HAUS8: variants seen among roughly 807,000 people sequenced by gnomAD.
HAUS8 encodes HAUS augmin like complex subunit 8, also known as HAUS augmin-like complex subunit 8.
Under a neutral mutation model 42.9 loss-of-function variants are expected in HAUS8, and 38 were observed. The ratio of observed to expected loss-of-function variants is 0.89; its 90% CI spans 0.68 to 1.16. The LOEUF is 1.16. Among genes scored for constraint, HAUS8 ranks in the 50% most tolerant of loss-of-function variants. HAUS8 has a pLI of 0.00. For missense variants in HAUS8, 494 were observed against 511.6 expected (o/e 0.97, Z 0.33); for synonymous variants, 199 against 205.8 (o/e 0.97, Z 0.28).
chr19:17,060,308 G>A, intron 4 of HAUS8: 1 of 509,810 alleles, frequency 2.0e-6, no homozygotes, highest in Non-Finnish European at 3.5e-6. Context: ...AGAAGACAGA[G>A]ACATTCTGTA....
intron 9 of HAUS8, chr19:17,053,320 G>A (rs75937948): frequency 0.012 from 3,379 of 284,864 alleles, 51 homozygotes; most frequent in South Asian, 0.039. Context: ...AACAGTCCTT[G>A]TTGCCTGCAC....
chr19:17,069,209 G>C, intron 2 of HAUS8, 123 bp from the exon 3 acceptor site: 2 of 807,874 alleles, frequency 2.5e-6, no homozygotes, highest in Non-Finnish European at 4.2e-6. Context: ...CCAGAACAGA[G>C]GAGGTCACCA....
chr19:17,070,380 G>A (rs1414962906), intron 2 of HAUS8, among the ~76,000 whole-genome samples: 2 of 152,208 alleles, frequency 1.3e-5, no homozygotes, highest in African/African-American at 4.8e-5. Context: ...GGCTGAGACA[G>A]GCTGGCGTGC....
chr19:17,071,452 C>A (rs1052531656), intron 2 of HAUS8, among the ~76,000 whole-genome samples: 1 of 152,178 alleles, frequency 6.6e-6, no homozygotes, highest in African/African-American at 2.4e-5. Flanking sequence ...TCTCCAAGGG[C>A]TGAGGCCAGG....
At chr19:17,067,771 CAGCCACCCAGAGTGG>C (rs1417859903) in intron 3 of HAUS8, among the ~76,000 whole-genome samples, 1 of 152,164 alleles carries the variant, frequency 6.6e-6, no homozygotes, top group Non-Finnish European at 1.5e-5. Context: ...GAGAACCCAC[CAGCCACCCAGAGTGG>C]AAGACAGGCA....
chr19:17,057,319 C>T (rs1249659105), intron 8 of HAUS8, among the ~76,000 whole-genome samples: 1 of 151,090 alleles, frequency 6.6e-6, no homozygotes, highest in Non-Finnish European at 1.5e-5. Flanking sequence ...CACTGCACTA[C>T]AGCCTGGGTG....
chr19:17,055,912 C>A lies in HAUS8; in HGVS notation c.736G>T (p.Glu246Ter). ...AGGTGGATGGACCTCACGGGCAGCT[C>A]GTGCCTGGTAGTGTCCAGGGCCGTG... ...FATALDTTRH[E>*]LPVRSIHLEG... The change falls in exon 9 of 11, where the codon GAG (glutamate) becomes TAG (stop). Residue 246 changes from glutamate (E) to a stop codon, truncating the protein, a stop_gained. Coordinates refer to ENST00000253669, the MANE Select transcript of HAUS8 (RefSeq NM_033417.2). LOFTEE classifies it high-confidence loss of function. 1 of 1,614,178 alleles carries A rather than the reference C, an allele frequency of 6.2e-7. No homozygotes were observed. The highest frequency in any genetic ancestry group is 8.5e-7 in the Non-Finnish European group (1 of 1,180,016).
chr19:17,056,402 G>C (rs1429463430), intron 8 of HAUS8, among the ~76,000 whole-genome samples: 2 of 152,120 alleles, frequency 1.3e-5, no homozygotes, highest in African/African-American at 4.8e-5. Flanking sequence ...CGGGAGTTTG[G>C]GGCATCAACC....
In HAUS8 at chr19:17,059,626, T is replaced by A. The variant is rs982934205; in HGVS notation, c.351A>T (p.Pro117=). 1.9e-6 allele frequency: 3 copies of A among 1,613,810 alleles called. No individual in the cohort carries two copies. The Admixed American group carries it at 5.0e-5, about 27-fold the overall frequency. The change falls in exon 6 of 11, where the codon CCA becomes CCT. Residue 117 remains proline (P), a synonymous_variant. Coordinates refer to ENST00000253669, the MANE Select transcript of HAUS8 (RefSeq NM_033417.2). The part of the protein sequence containing the change: ...INDKSIVKKT[P]QLAKTISKKP... ...TCTTTGATATTGTTTTTGCTAACTG[T>A]GGCGTCTTTTTGACGATGCTTTTGT...
intron 9 of HAUS8, chr19:17,055,013 T>C (rs1308641147): frequency 1.4e-5 from 2 of 144,826 alleles, no homozygotes; most frequent in Non-Finnish European, 3.0e-5. Flanking sequence ...TGGTGACTCA[T>C]GTCTATAATC....
rs113790823 is a variant in HAUS8 at position 17,073,015 on chromosome 19, C to T, written c.91+259G>A. 7.5e-3 allele frequency among the ~76,000 whole-genome samples: 1,137 copies of T among 151,726 alleles called. 8 individuals carry two copies. Among genetic ancestry groups the T allele is most frequent in the African/African-American group, 0.026 (1,055 of 41,328 alleles). Reference sequence around the variant, plus strand: ...ATGATCTCCATGGTCTCCACACCCACGCTTCCAGGGGACATGTCCCGGACA... The same window carrying T: ...ATGATCTCCATGGTCTCCACACCCATGCTTCCAGGGGACATGTCCCGGACA... On this transcript the variant is annotated intron_variant, in intron 2 of 10. Coordinates refer to ENST00000253669, the MANE Select transcript of HAUS8 (RefSeq NM_033417.2).
At chr19:17,063,681 T>C (rs1051862674) in intron 3 of HAUS8, among the ~76,000 whole-genome samples, 6 of 152,184 alleles carry the variant, frequency 3.9e-5, no homozygotes, top group Admixed American at 1.3e-4. Flanking sequence ...CTCCCCAGTG[T>C]GTATGGGCAC....
chr19:17,056,905 G>A (rs987041521), intron 8 of HAUS8, among the ~76,000 whole-genome samples: 5 of 152,040 alleles, frequency 3.3e-5, no homozygotes. Flanking sequence ...TTTATAGACA[G>A]ATCTTACTGT....
chr19:17,049,971 C>A lies in HAUS8; in HGVS notation c.1135G>T (p.Ala379Ser). The A allele has an allele frequency of 6.3e-7, 1 of 1,597,606 alleles. No individual in the cohort carries two copies. Among genetic ancestry groups the A allele is most frequent in the Non-Finnish European group, 8.5e-7 (1 of 1,172,506 alleles). Residue 379 changes from alanine to serine, a missense_variant, in exon 11 of 11, where the codon GCT (alanine) becomes TCT (serine). Transcript: ENST00000253669. ...DDNPGASSAP[A>S]QATFISPSED... ...CTTGGGCTGATGAACGTGGCCTGAG[C>A]GGGGGCTGACGAGGCACCCGGGTTG...
chr19:17,070,892 A>G (rs1237251520), intron 2 of HAUS8, among the ~76,000 whole-genome samples: 1 of 152,072 alleles, frequency 6.6e-6, no homozygotes, highest in Non-Finnish European at 1.5e-5. Flanking sequence ...CAACATGGAG[A>G]AACCCCGTCT....
intron 9 of HAUS8, among the ~76,000 whole-genome samples, chr19:17,054,528 G>A (rs1439025407): frequency 6.6e-6 from 1 of 152,026 alleles, no homozygotes; most frequent in African/African-American, 2.4e-5. Flanking sequence ...TGCGCCAGGA[G>A]CAGTGGCTCA....
chr19:17,054,081 A>T (rs1257018421), intron 9 of HAUS8, among the ~76,000 whole-genome samples: 3 of 152,138 alleles, frequency 2.0e-5, no homozygotes, highest in Non-Finnish European at 2.9e-5. Flanking sequence ...AGCCACCAGC[A>T]GGTGGGGGAG....
At chr19:17,063,281 G>C (rs1040482546) in intron 3 of HAUS8, among the ~76,000 whole-genome samples, 2 of 152,140 alleles carry the variant, frequency 1.3e-5, no homozygotes, top group African/African-American at 4.8e-5. Flanking sequence ...AGGATCGCTC[G>C]GGTCCAGGGG....
chr19:17,070,118 A>G (rs1230807386), intron 2 of HAUS8, among the ~76,000 whole-genome samples: 1 of 144,788 alleles, frequency 6.9e-6, no homozygotes, highest in Non-Finnish European at 1.5e-5. Flanking sequence ...TCCCCTTGAC[A>G]GCAAACACCC....
Sources: gnomAD v4.1 joint callset for allele counts (sites outside exome capture counted in the v4.1 genomes callset) on GRCh38, gnomAD v4.1.1 for gene constraint, MANE v1.5 for transcripts, NCBI Gene and HGNC (gene_info 2026-07-23, HGNC 2026-07-21) for gene names.